CDC5L: variants seen among roughly 807,000 people sequenced by gnomAD.
The protein encoded by CDC5L is cell division cycle 5-like protein.
Under a neutral mutation model 104.1 loss-of-function variants are expected in CDC5L, and 18 were observed. The observed-to-expected ratio is 0.17, with a 90% CI of 0.12 to 0.26. CDC5L has a LOEUF of 0.26. Ranked by LOEUF, CDC5L falls within the 10% of genes least tolerant of loss-of-function variation. CDC5L has a pLI of 1.00. For missense variants in CDC5L, 673 were observed against 956.9 expected (o/e 0.70, Z 3.91); for synonymous variants, 331 against 322.7 (o/e 1.03, Z -0.28).
At chr6:44,421,771 G>C (rs1373056825) in intron 9 of CDC5L, among the ~76,000 whole-genome samples, 1 of 152,168 alleles carries the variant, frequency 6.6e-6, no homozygotes, top group East Asian at 1.9e-4. Flanking sequence ...TACATGGGAG[G>C]ATGTGCATAC....
intron 14 of CDC5L, among the ~76,000 whole-genome samples, chr6:44,438,727 A>T (rs1382570995): frequency 6.9e-6 from 1 of 145,606 alleles, no homozygotes; most frequent in Non-Finnish European, 1.5e-5. Context: ...TCTAGAACTT[A>T]GAAAGTACTG....
At chr6:44,405,791 G>C (rs1791335472) in intron 6 of CDC5L, among the ~76,000 whole-genome samples, 1 of 152,080 alleles carries the variant, frequency 6.6e-6, no homozygotes, top group African/African-American at 2.4e-5. Context: ...ACTTCAATTA[G>C]GGTACCTTAT....
chr6:44,399,582 T>C (rs1791025401), intron 5 of CDC5L, among the ~76,000 whole-genome samples: 1 of 152,212 alleles, frequency 6.6e-6, no homozygotes, highest in African/African-American at 2.4e-5. Flanking sequence ...GTTTTAAAGT[T>C]TGTTAATTCT....
At chr6:44,435,107 A>G (rs1168839620) in intron 14 of CDC5L, among the ~76,000 whole-genome samples, 1 of 93,054 alleles carries the variant, frequency 1.1e-5, no homozygotes, top group East Asian at 3.0e-4. Context: ...ATACTCCCAT[A>G]TATCTTTTTT....
chr6:44,409,210 CT>C (rs1791519711), intron 8 of CDC5L, among the ~76,000 whole-genome samples: 1 of 152,242 alleles, frequency 6.6e-6, no homozygotes, highest in Admixed American at 6.5e-5. Flanking sequence ...AAGAAAAACA[CT>C]TGTGCCCCTC....
In CDC5L at chr6:44,408,578, C is replaced by T. The variant is rs1386793708; in HGVS notation, c.1038C>T (p.Asn346=). ...TGTCTGAGTACAATGTCACCAACAA[C>T]AGCGTTGCTCTTAGAACACCACGAA... ...TLLSEYNVTN[N]SVALRTPRTP... is the part of the protein sequence containing the mutation. The change falls in exon 8 of 16, where the codon AAC becomes AAT. Residue 346 remains asparagine, a synonymous_variant. Coordinates refer to ENST00000371477, the MANE Select transcript of CDC5L (RefSeq NM_001253.4). 2 of 1,613,438 alleles carry T rather than the reference C, an allele frequency of 1.2e-6. No homozygotes were observed. Among genetic ancestry groups the T allele is most frequent in the African/African-American group, 2.7e-5 (2 of 75,056 alleles).
At chr6:44,434,105 T>G (rs1340978857) in intron 14 of CDC5L, among the ~76,000 whole-genome samples, 1 of 152,206 alleles carries the variant, frequency 6.6e-6, no homozygotes, top group Non-Finnish European at 1.5e-5. Context: ...CTGACAGATT[T>G]CGTAGTTGTC....
Position 44,387,724 on chromosome 6 carries a change from C to A in CDC5L, c.-100C>A. ...CGCAGATCTTCAAAGCAGAAGGTCGCGCTTGGAGGAAGTGGCGGCTTTGAG... is the reference window on the plus strand; with the variant it reads ...CGCAGATCTTCAAAGCAGAAGGTCGAGCTTGGAGGAAGTGGCGGCTTTGAG... On this transcript the variant is annotated 5_prime_UTR_variant, in exon 1 of 16. Coordinates refer to ENST00000371477, the MANE Select transcript of CDC5L (RefSeq NM_001253.4). 1 of 1,056,786 alleles carries A rather than the reference C, an allele frequency of 9.5e-7. No homozygotes were observed. The highest frequency in any genetic ancestry group is 1.4e-6 in the Non-Finnish European group (1 of 700,600). 65.5% of individuals were successfully genotyped at this position (1,056,786 alleles called of 1,614,324 possible).
rs1791816556 is a variant in CDC5L, at chr6:44,414,425, TG to T, written c.1093-5023del. ...GTGTGTGTGTGTGTGTGTGTGTGTG[TG>T]TGTGTATTTTTTTTTAGAAATAGCT... On this transcript the variant is annotated intron_variant, in intron 8 of 15. Coordinates refer to ENST00000371477, the MANE Select transcript of CDC5L (RefSeq NM_001253.4). Among the ~76,000 whole-genome samples, 32 of 150,292 alleles carry T rather than the reference TG, an allele frequency of 2.1e-4. 1 individual carries two copies. Among genetic ancestry groups the T allele is most frequent in the African/African-American group, 7.1e-4 (29 of 40,620 alleles).
In CDC5L at chr6:44,426,381, T is replaced by A. The variant is rs113529564; in HGVS notation, c.1651-101T>A. On this transcript the variant is annotated intron_variant, in intron 12 of 15. Coordinates refer to ENST00000371477, the MANE Select transcript of CDC5L (RefSeq NM_001253.4). ...AGAAGGAAAAAAATGGAAATTGCTT[T>A]TGAAAATGTAAAACCGCTGTTTAAT... 1.7e-3 allele frequency: 1,471 copies of A among 846,000 alleles called. 8 individuals are homozygous for A. The African/African-American group carries it at 0.022, about 12-fold the overall frequency. 52.4% of individuals were successfully genotyped at this position (846,000 alleles called of 1,614,324 possible). A position where few individuals can be genotyped will look rare whatever the true frequency, so the allele number is the denominator to read the frequency against.
chr6:44,439,226 A>T (rs1793071480), intron 14 of CDC5L, among the ~76,000 whole-genome samples: 1 of 152,202 alleles, frequency 6.6e-6, no homozygotes, highest in Non-Finnish European at 1.5e-5. Flanking sequence ...TTGTGTGGAT[A>T]ATACCACATT....
At chr6:44,439,767 A>AGCT (rs1293746730) in intron 14 of CDC5L, among the ~76,000 whole-genome samples, 1 of 152,252 alleles carries the variant, frequency 6.6e-6, no homozygotes, top group Admixed American at 6.5e-5. Context: ...GGCACTGGAC[A>AGCT]GCTGAGGCTT....
intron 10 of CDC5L, among the ~76,000 whole-genome samples, chr6:44,423,467 A>G (rs765953099): frequency 3.9e-5 from 6 of 152,222 alleles, no homozygotes; most frequent in South Asian, 2.1e-4. Context: ...AATAATTGCA[A>G]TATCAGAACA....
chr6:44,430,079 G>GT (rs967850185), intron 14 of CDC5L, among the ~76,000 whole-genome samples, 169 bp downstream of exon 14: 62 of 149,730 alleles, frequency 4.1e-4, no homozygotes, highest in African/African-American at 1.4e-3. Context: ...CTTGTTCATT[G>GT]TTTTTTTTTG....
intron 8 of CDC5L, 147 bp downstream of exon 8, chr6:44,408,779 C>G: frequency 4.3e-6 from 2 of 470,146 alleles, no homozygotes; most frequent in Non-Finnish European, 3.7e-6. Context: ...TGCAATATTT[C>G]TGTAGTAGAG....
At chr6:44,414,382 CTGTGTGTGTGTGTGTGTGTGTGTGTG>C (rs58800666) in intron 8 of CDC5L, among the ~76,000 whole-genome samples, 3 of 130,000 alleles carry the variant, frequency 2.3e-5, no homozygotes, top group Non-Finnish European at 3.2e-5. Flanking sequence ...CTGGCCTGGC[CTGTGTGTGTGTGTGTGTGTGTGTGTG>C]TGTGTGTGTG....
intron 14 of CDC5L, chr6:44,435,563 T>C: frequency 6.5e-6 from 1 of 154,006 alleles, no homozygotes; most frequent in Non-Finnish European, 1.5e-5. Context: ...TGTTTGCATT[T>C]CAGGGGGCTG....
intron 8 of CDC5L, among the ~76,000 whole-genome samples, chr6:44,418,586 T>C (rs1316406647): frequency 6.6e-6 from 1 of 152,312 alleles, no homozygotes; most frequent in East Asian, 1.9e-4. Context: ...ACTTCCACAA[T>C]GGTTGAACTA....
In CDC5L at chr6:44,448,927, T is replaced by A. The variant is rs1351674811; in HGVS notation, c.*2216T>A. ...CTGGAACTTTAAACAGTATACCATTTGGGCATCTATTAAAGCATTCATATA... is the reference window on the plus strand; with the variant it reads ...CTGGAACTTTAAACAGTATACCATTAGGGCATCTATTAAAGCATTCATATA... On this transcript the variant is annotated 3_prime_UTR_variant, in exon 16 of 16. Coordinates refer to ENST00000371477, the MANE Select transcript of CDC5L (RefSeq NM_001253.4). 1.3e-5 allele frequency: 2 copies of A among 152,224 alleles called. No individual in the cohort carries two copies. Among genetic ancestry groups the A allele is most frequent in the Non-Finnish European group, 2.9e-5 (2 of 68,032 alleles). 9.4% of individuals were successfully genotyped at this position (152,224 alleles called of 1,614,324 possible). A position where few individuals can be genotyped will look rare whatever the true frequency, so the allele number is the denominator to read the frequency against.
Sources: allele counts gnomAD v4.1 joint callset (sites outside exome capture counted in the v4.1 genomes callset), GRCh38; gene constraint gnomAD v4.1.1; transcripts MANE v1.5; gene names NCBI Gene and HGNC (gene_info 2026-07-23, HGNC 2026-07-21).